Variants in FRMD6 observed in about 807,000 individuals in gnomAD.
FRMD6 encodes the protein FERM domain containing 6.
A neutral mutation model predicts 73.2 loss-of-function variants in FRMD6; 37 were observed. That is an observed-to-expected ratio of 0.51 (90% confidence interval 0.39 to 0.66). The LOEUF (loss-of-function observed/expected upper bound fraction) is 0.66. FRMD6 is among the 30% of genes least tolerant of loss of function. The pLI is 0.00. For synonymous variants in FRMD6, 273 were observed against 282.2 expected (o/e 0.97, Z 0.33); for missense variants, 714 against 780.5 (o/e 0.91, Z 1.02).
intron 1 of FRMD6, among the ~76,000 whole-genome samples, chr14:51,541,649 T>A (rs1282524308): frequency 6.6e-6 from 1 of 151,836 alleles, no homozygotes; most frequent in Non-Finnish European, 1.5e-5. Context: ...GTAGGCATGG[T>A]TTTTAGGTGG....
At chr14:51,546,992 C>T (rs1382921075) in intron 1 of FRMD6, among the ~76,000 whole-genome samples, 1 of 151,728 alleles carries the variant, frequency 6.6e-6, no homozygotes, top group Admixed American at 6.6e-5. Flanking sequence ...GGTATGATCT[C>T]GGTGCCTTCC....
At chr14:51,557,784 C>A (rs575420327) in intron 1 of FRMD6, among the ~76,000 whole-genome samples, 1 of 152,140 alleles carries the variant, frequency 6.6e-6, no homozygotes, top group East Asian at 1.9e-4. Flanking sequence ...AAGAAGGGAA[C>A]AACAGACACC....
chr14:51,569,823 CTTTT>C (rs11350712), intron 1 of FRMD6, among the ~76,000 whole-genome samples: 2 of 141,054 alleles, frequency 1.4e-5, no homozygotes, highest in African/African-American at 5.2e-5. Context: ...TCTTCTTTTT[CTTTT>C]TTTTTTTTGA....
chr14:51,712,344 T>G, intron 8 of FRMD6, 139 bp from the exon 9 acceptor site: 1 of 626,048 alleles, frequency 1.6e-6, no homozygotes, highest in African/African-American at 1.9e-5. Context: ...TTAATTATTG[T>G]CTGTATTTCT....
chr14:51,516,011 TCTGAACCCCTGAA>T (rs11270540), intron 1 of FRMD6, among the ~76,000 whole-genome samples: 87,002 of 151,614 alleles, frequency 0.57, 25,946 homozygotes, highest in African/African-American at 0.72. Flanking sequence ...TTCTGGGTGT[TCTGAACCCCTGAA>T]CATCAGGGCA....
chr14:51,645,010 A>G (rs536257082), intron 2 of FRMD6, among the ~76,000 whole-genome samples: 3 of 152,310 alleles, frequency 2.0e-5, no homozygotes, highest in East Asian at 3.9e-4. Flanking sequence ...TTCTAATTCA[A>G]TCTCCATGAT....
chr14:51,640,277 T>A (rs1388941649), intron 2 of FRMD6, among the ~76,000 whole-genome samples: 1 of 152,202 alleles, frequency 6.6e-6, no homozygotes, highest in African/African-American at 2.4e-5. Flanking sequence ...AGAGTTACAA[T>A]ACCTAAAGCA....
At chr14:51,564,111 C>A (rs1887645391) in intron 1 of FRMD6, among the ~76,000 whole-genome samples, 1 of 152,194 alleles carries the variant, frequency 6.6e-6, no homozygotes, top group Admixed American at 6.5e-5. Context: ...TTCACACCCC[C>A]ACAGATTGGC....
intron 1 of FRMD6, among the ~76,000 whole-genome samples, chr14:51,522,131 G>T (rs1419466593): frequency 6.6e-6 from 1 of 152,160 alleles, no homozygotes; most frequent in Non-Finnish European, 1.5e-5. Flanking sequence ...CTGCTCCTTA[G>T]ATTTGTTTTT....
chr14:51,637,120 G>A (rs1891601725), intron 2 of FRMD6, among the ~76,000 whole-genome samples: 1 of 152,106 alleles, frequency 6.6e-6, no homozygotes, highest in Non-Finnish European at 1.5e-5. Context: ...TACGTGGGAG[G>A]CTGAAGTGGG....
the FRMD6 span, among the ~76,000 whole-genome samples, chr14:51,415,811 A>G: frequency 6.6e-6 from 1 of 152,150 alleles, no homozygotes; most frequent in Non-Finnish European, 1.5e-5. Context: ...TAGGCTATTA[A>G]TTATTGCCCC....
At chr14:51,588,977 C>G (rs1277901661) in intron 2 of FRMD6, among the ~76,000 whole-genome samples, 3 of 152,202 alleles carry the variant, frequency 2.0e-5, no homozygotes, top group Admixed American at 2.0e-4. Context: ...CCAGGCTTCT[C>G]TGGGTCACTC....
intron 1 of FRMD6, among the ~76,000 whole-genome samples, chr14:51,502,613 A>T (rs1883688094): frequency 6.6e-6 from 1 of 152,150 alleles, no homozygotes; most frequent in South Asian, 2.1e-4. Flanking sequence ...CTTGTAGTAT[A>T]GTTTGAAGTT....
At chr14:51,597,352 A>G (rs1889775561) in intron 2 of FRMD6, among the ~76,000 whole-genome samples, 1 of 152,270 alleles carries the variant, frequency 6.6e-6, no homozygotes, top group African/African-American at 2.4e-5. Context: ...AAAGGCAATT[A>G]GGAGTCGCTC....
At chr14:51,418,348 G>A in the FRMD6 span, among the ~76,000 whole-genome samples, 1 of 152,164 alleles carries the variant, frequency 6.6e-6, no homozygotes, top group East Asian at 1.9e-4. Context: ...TGGTGTGGAT[G>A]TCCTTTTTGC....
the FRMD6 span, among the ~76,000 whole-genome samples, chr14:51,462,995 T>C: frequency 6.6e-6 from 1 of 152,218 alleles, no homozygotes; most frequent in South Asian, 2.1e-4. Context: ...CCACCCTTGC[T>C]AGATTGTTAT....
At chr14:51,420,806 G>T in the FRMD6 span, among the ~76,000 whole-genome samples, 1 of 152,000 alleles carries the variant, frequency 6.6e-6, no homozygotes, top group East Asian at 1.9e-4. Flanking sequence ...ATGGAGTCTC[G>T]CTCTGTCACC....
At chr14:51,656,992 G>A (rs1261211758) in intron 1 of FRMD6, among the ~76,000 whole-genome samples, 1 of 152,180 alleles carries the variant, frequency 6.6e-6, no homozygotes, top group Non-Finnish European at 1.5e-5. Flanking sequence ...CATGAAGACA[G>A]AGGGAAAAAC....
At chr14:51,610,480 AT>A (rs1890448489) in intron 2 of FRMD6, among the ~76,000 whole-genome samples, 1 of 152,280 alleles carries the variant, frequency 6.6e-6, no homozygotes, top group Middle Eastern at 3.4e-3. Flanking sequence ...TATATTTTAA[AT>A]AAAAACAAAT....
Sources: gnomAD v4.1 joint callset for allele counts (sites outside exome capture counted in the v4.1 genomes callset) on GRCh38, gnomAD v4.1.1 for gene constraint, MANE v1.5 for transcripts, NCBI Gene and HGNC (gene_info 2026-07-23, HGNC 2026-07-21) for gene names.